The following LDLRAD1 variants were observed in gnomAD, a reference collection of about 807,000 sequenced individuals.
LDLRAD1 encodes low-density lipoprotein receptor class A domain-containing protein 1.
A neutral mutation model predicts 24.8 loss-of-function variants in LDLRAD1; 17 were observed. The ratio of observed to expected loss-of-function variants is 0.69; its 90% CI spans 0.47 to 1.03. The LOEUF (loss-of-function observed/expected upper bound fraction) is 1.03, where lower values mean the gene tolerates loss of function less well. Ranked by LOEUF, LDLRAD1 falls within the 50% of genes least tolerant of loss-of-function variation. LDLRAD1 has a pLI of 0.00. For synonymous variants in LDLRAD1, 103 were observed against 108.2 expected, an observed-to-expected ratio of 0.95 and a Z score of 0.30; for missense variants, 277 against 271.0, an observed-to-expected ratio of 1.02 and a Z score of -0.16.
chr1:54,015,235 G>C (rs1366226754), intron 2 of LDLRAD1, among the ~76,000 whole-genome samples: 1 of 152,108 alleles, frequency 6.6e-6, no homozygotes, highest in Non-Finnish European at 1.5e-5. Flanking sequence ...CTCCCAAAAT[G>C]CTGGGACAAC....
At chr1:54,014,879 G>A (rs557156445) in intron 2 of LDLRAD1, among the ~76,000 whole-genome samples, 10 of 152,276 alleles carry the variant, frequency 6.6e-5, no homozygotes, top group African/African-American at 2.4e-4. Flanking sequence ...CCAATTGACT[G>A]TCCATTCTGG....
chr1:54,008,872 A>G lies in LDLRAD1; in HGVS notation c.*110T>C, dbSNP rs1655921687. The G allele has an allele frequency of 1.0e-6, 1 of 988,380 alleles. No homozygotes were observed. Among genetic ancestry groups the G allele is most frequent in the Admixed American group, 2.2e-5 (1 of 44,446 alleles). The allele number at this position is 988,380 out of a possible 1,614,324, so 61.2% of individuals were successfully genotyped here. A position where few individuals can be genotyped will look rare whatever the true frequency, so the allele number is the denominator to read the frequency against. ...ATTCCTATTCAGAAATGATGTGTAG[A>G]TCCCATTTCAAAGGCTGCTTCCTGC... On this transcript the variant is annotated 3_prime_UTR_variant, in exon 6 of 6. Transcript: ENST00000371360.
At chr1:54,009,495 C>G (rs527774085) in intron 5 of LDLRAD1, among the ~76,000 whole-genome samples, 2 of 152,202 alleles carry the variant, frequency 1.3e-5, no homozygotes, top group South Asian at 4.1e-4. Context: ...TCCTAGCCTT[C>G]TCTCCTCTGC....
chr1:54,010,490 AC>A, intron 4 of LDLRAD1, 80 bp from the exon 5 acceptor site: 2 of 1,489,624 alleles, frequency 1.3e-6, no homozygotes, highest in Non-Finnish European at 9.2e-7. Context: ...AGGATTGACC[AC>A]CCTGGCAGTG....
chr1:54,010,230 C>G, intron 5 of LDLRAD1, 52 bp downstream of exon 5: 1 of 1,606,426 alleles, frequency 6.2e-7, no homozygotes, highest in Non-Finnish European at 8.5e-7. Flanking sequence ...CCTTTGCCCT[C>G]TGGCTGCTGC....
In LDLRAD1 at chr1:54,009,033, A is replaced by G. The variant is rs760705483; in HGVS notation, c.567T>C (p.His189=). ...CGGACCAGTCGGAGCAGTGCTGTAC[A>G]TGGTCGCGGCAGAGATGCCTCGGTA... is the stretch of plus-strand genomic sequence containing the variant. The part of the protein sequence containing the change: ...DCIPRHLCRD[H]VQHCSDWSDE... Residue 189 remains histidine (H), a synonymous_variant, in exon 6 of 6, where the codon CAT becomes CAC. Transcript: ENST00000371360. 2 of 1,613,922 alleles carry G rather than the reference A, an allele frequency of 1.2e-6. No individual in the cohort carries two copies. The highest frequency in any genetic ancestry group is 8.5e-7 in the Non-Finnish European group (1 of 1,180,008).
chr1:54,014,737 T>A (rs11805505), intron 2 of LDLRAD1, among the ~76,000 whole-genome samples: 17,209 of 152,284 alleles, frequency 0.11, 2,188 homozygotes, highest in African/African-American at 0.32. Context: ...GTGCTTTATT[T>A]TTCAAAACAA....
chr1:54,008,790 T>G lies in LDLRAD1; in HGVS notation c.*192A>C. ...GAAGCCACCTAACATGGTAATGAGC[T>G]CCTGGTCATTGGAAGCATTCAAGCA... is the stretch of plus-strand genomic sequence containing the variant. On this transcript the variant is annotated 3_prime_UTR_variant, in exon 6 of 6. Transcript: ENST00000371360. The G allele has an allele frequency of 1.8e-6, 1 of 558,534 alleles. No homozygotes were observed. Among genetic ancestry groups the G allele is most frequent in the Non-Finnish European group, 3.2e-6 (1 of 315,956 alleles). The allele number at this position is 558,534 out of a possible 1,614,324, so 34.6% of individuals were successfully genotyped here. A position where few individuals can be genotyped will look rare whatever the true frequency, so the allele number is the denominator to read the frequency against.
In LDLRAD1 at chr1:54,008,920, T is replaced by A. The variant is rs996785874; in HGVS notation, c.*62A>T. On this transcript the variant is annotated 3_prime_UTR_variant, in exon 6 of 6. Coordinates refer to ENST00000371360, the MANE Select transcript of LDLRAD1 (RefSeq NM_001010978.4). ...TGCCCTTGTGCGCTAGGATTTGATTTTCATGTGAAGGGTTATCAGTGCCAT... is the reference window on the plus strand; with the variant it reads ...TGCCCTTGTGCGCTAGGATTTGATTATCATGTGAAGGGTTATCAGTGCCAT... 8.0e-6 allele frequency: 12 copies of A among 1,504,560 alleles called. No individual in the cohort carries two copies. The highest frequency in any genetic ancestry group is 8.1e-6 in the Non-Finnish European group (9 of 1,106,228). The allele number at this position is 1,504,560 out of a possible 1,614,324, so 93.2% of individuals were successfully genotyped here. A position where few individuals can be genotyped will look rare whatever the true frequency, so the allele number is the denominator to read the frequency against.
chr1:54,012,442 C>T (rs538903969), intron 3 of LDLRAD1, among the ~76,000 whole-genome samples, 162 bp from the exon 4 acceptor site: 9 of 152,306 alleles, frequency 5.9e-5, no homozygotes, highest in African/African-American at 1.7e-4. Flanking sequence ...TACCCGCTGC[C>T]GGCTGCCTGA....
chr1:54,010,233 G>A (rs1655987777), intron 5 of LDLRAD1, 49 bp downstream of exon 5: 2 of 1,607,314 alleles, frequency 1.2e-6, no homozygotes, highest in Non-Finnish European at 1.7e-6. Context: ...TTGCCCTCTG[G>A]CTGCTGCCTG....
intron 5 of LDLRAD1, among the ~76,000 whole-genome samples, chr1:54,009,696 A>C (rs542774278): frequency 2.6e-5 from 4 of 152,084 alleles, no homozygotes; most frequent in South Asian, 4.2e-4. Context: ...GATGTCCCCC[A>C]CCTGAATCTG....
chr1:54,018,146 GT>G lies in LDLRAD1; in HGVS notation c.-35del. On this transcript the variant is annotated 5_prime_UTR_variant, in exon 1 of 6. Transcript: ENST00000371360. ...TTTCCTGCTGCCCGACTGGGGCTGT[GT>G]GCAGAGAGCTCAGCACGGGTTCCCT... is the stretch of plus-strand genomic sequence containing the variant. 1 of 1,613,118 alleles carries G rather than the reference GT, an allele frequency of 6.2e-7. No homozygotes were observed.
intron 5 of LDLRAD1, 144 bp downstream of exon 5, chr1:54,010,138 A>T: frequency 1.2e-6 from 1 of 843,340 alleles, no homozygotes; most frequent in Non-Finnish European, 1.8e-6. Flanking sequence ...CCATCACAGG[A>T]TGTATTCAAG....
At position 54,011,298 on chromosome 1, in the gene LDLRAD1, CA is replaced by C. The variant is rs199644993; in HGVS notation, c.340+844del. ...ACAGAAGGACAGAGTTGGAACCAAT[CA>C]GGGAGGAACCACTCTGGGAGGCAGC... On this transcript the variant is annotated intron_variant, in intron 4 of 5. Coordinates refer to ENST00000371360, the MANE Select transcript of LDLRAD1 (RefSeq NM_001010978.4). Among the ~76,000 whole-genome samples, 623 of 152,202 alleles carry C rather than the reference CA, an allele frequency of 4.1e-3. 4 individuals carry two copies. The highest frequency in any genetic ancestry group is 0.014 in the African/African-American group (597 of 41,494).
In LDLRAD1 at chr1:54,013,240, C is replaced by T. The variant is rs115716060; in HGVS notation, c.203-960G>A. Among the ~76,000 whole-genome samples the T allele has an allele frequency of 4.9e-3, 752 of 152,184 alleles. 5 individuals carry two copies. Among genetic ancestry groups the T allele is most frequent in the African/African-American group, 0.016 (660 of 41,498 alleles). The stretch of plus-strand genomic sequence containing the variant: ...AGACATGAACATGCATACACAGCTG[C>T]GTACACTCATAGACACGCTAAACAC... On this transcript the variant is annotated intron_variant, in intron 3 of 5. Transcript: ENST00000371360.
intron 3 of LDLRAD1, among the ~76,000 whole-genome samples, chr1:54,012,588 G>A (rs923162479): frequency 1.3e-5 from 2 of 152,196 alleles, no homozygotes; most frequent in Admixed American, 6.5e-5. Flanking sequence ...AAAATGTGCA[G>A]AACTAGTAAT....
chr1:54,010,217 C>A, intron 5 of LDLRAD1, 65 bp downstream of exon 5: 1 of 1,587,738 alleles, frequency 6.3e-7, no homozygotes, highest in South Asian at 1.1e-5. Context: ...ATTCCCTGCT[C>A]ACCCTTTGCC....
chr1:54,015,293 C>T (rs953955588), intron 2 of LDLRAD1, among the ~76,000 whole-genome samples: 1 of 152,102 alleles, frequency 6.6e-6, no homozygotes, highest in African/African-American at 2.4e-5. Flanking sequence ...TGAGGACTTA[C>T]CATGTGCCGA....
Sources: allele counts gnomAD v4.1 joint callset (sites outside exome capture counted in the v4.1 genomes callset), GRCh38; gene constraint gnomAD v4.1.1; transcripts MANE v1.5; gene names NCBI Gene and HGNC (gene_info 2026-07-23, HGNC 2026-07-21).